SLC39A11: variants seen among roughly 807,000 people sequenced by gnomAD.
The protein encoded by SLC39A11 is solute carrier family 39 member 11, also known as zinc transporter ZIP11.
SLC39A11 carries 33 observed loss-of-function variants against 36.1 expected under a neutral mutation model. That is an observed-to-expected ratio of 0.91 (90% confidence interval 0.69 to 1.22). SLC39A11 has a LOEUF of 1.22. Among genes scored for constraint, SLC39A11 ranks in the 50% most tolerant of loss-of-function variants. The probability of loss-of-function intolerance (pLI) is 0.00; values close to 1 mark genes in which losing one functional copy is unlikely to be tolerated. For synonymous variants in SLC39A11, 166 were observed against 170.3 expected (o/e 0.97, Z 0.20); for missense variants, 432 against 430.3 (o/e 1.00, Z -0.03).
chr17:72,960,483 T>C (rs1223821812), intron 4 of SLC39A11, among the ~76,000 whole-genome samples: 2 of 152,010 alleles, frequency 1.3e-5, no homozygotes, highest in African/African-American at 4.8e-5. Flanking sequence ...ACCAAGAAGG[T>C]AATTTTTCTA....
intron 4 of SLC39A11, among the ~76,000 whole-genome samples, chr17:73,004,532 A>G (rs1367424261): frequency 6.6e-6 from 1 of 152,216 alleles, no homozygotes; most frequent in Non-Finnish European, 1.5e-5. Context: ...CATCATACTG[A>G]GAGTTGGGGC....
intron 4 of SLC39A11, among the ~76,000 whole-genome samples, chr17:73,025,754 A>G (rs140438823): frequency 1.8e-3 from 273 of 152,198 alleles, no homozygotes; most frequent in East Asian, 0.017. Flanking sequence ...CTCAAACAAT[A>G]CAAGCAAATT....
At chr17:72,863,154 C>T (rs529415763) in intron 5 of SLC39A11, among the ~76,000 whole-genome samples, 1 of 152,298 alleles carries the variant, frequency 6.6e-6, no homozygotes, top group African/African-American at 2.4e-5. Flanking sequence ...CTAAGCTGGG[C>T]TCCCAAGAGC....
intron 3 of SLC39A11, among the ~76,000 whole-genome samples, chr17:73,061,946 G>A (rs2059852485): frequency 1.3e-5 from 2 of 151,952 alleles, no homozygotes; most frequent in Non-Finnish European, 2.9e-5. Flanking sequence ...CAGTGACCTC[G>A]TGTGATCACG....
At chr17:72,672,414 C>T (rs59485604) in intron 7 of SLC39A11, among the ~76,000 whole-genome samples, 6,182 of 152,096 alleles carry the variant, frequency 0.041, 406 homozygotes, top group African/African-American at 0.14. Flanking sequence ...ATGCCACTGC[C>T]CTCCAGCCTG....
chr17:72,877,039 T>C (rs931127383), intron 5 of SLC39A11, among the ~76,000 whole-genome samples: 5 of 152,218 alleles, frequency 3.3e-5, no homozygotes, highest in African/African-American at 9.6e-5. Context: ...AAAAAATGCA[T>C]AATGTAGGTT....
intron 5 of SLC39A11, among the ~76,000 whole-genome samples, chr17:72,852,705 A>G (rs1012951396): frequency 1.3e-5 from 2 of 152,198 alleles, no homozygotes; most frequent in African/African-American, 4.8e-5. Flanking sequence ...CATTGGGGGA[A>G]GGGGTTTTAT....
At position 72,747,871 on chromosome 17, in the gene SLC39A11, T is replaced by A. The variant is rs370761945; in HGVS notation, c.602-11152A>T. Among the ~76,000 whole-genome samples, 5 of 152,342 alleles carry A rather than the reference T, an allele frequency of 3.3e-5. No individual in the cohort carries two copies. The East Asian group carries it at 5.8e-4, about 18-fold the overall frequency. Reference sequence around the variant, plus strand: ...CCTGTGGAGTCTGTTAGAGGCTGTATAAAGGATGGAAACTTACCAACTTAT... The same window carrying A: ...CCTGTGGAGTCTGTTAGAGGCTGTAAAAAGGATGGAAACTTACCAACTTAT... On this transcript the variant is annotated intron_variant, in intron 6 of 9. Coordinates refer to ENST00000255559, the MANE Select transcript of SLC39A11 (RefSeq NM_139177.4).
chr17:73,012,056 C>CGGTGGGCG (rs1381330659), intron 4 of SLC39A11, among the ~76,000 whole-genome samples: 1 of 147,698 alleles, frequency 6.8e-6, no homozygotes, highest in Non-Finnish European at 1.5e-5. Flanking sequence ...GTGTAGATCA[C>CGGTGGGCG]CCGAGGTCAG....
At chr17:73,049,891 G>A (rs905682289) in intron 3 of SLC39A11, among the ~76,000 whole-genome samples, 1 of 152,218 alleles carries the variant, frequency 6.6e-6, no homozygotes, top group Admixed American at 6.5e-5. Context: ...AGCAGGCTGA[G>A]GCAGGCAGAT....
At chr17:73,008,287 G>A (rs1169168438) in intron 4 of SLC39A11, among the ~76,000 whole-genome samples, 1 of 151,286 alleles carries the variant, frequency 6.6e-6, no homozygotes, top group Non-Finnish European at 1.5e-5. Context: ...ACCTGTCACT[G>A]CACCCAGCAG....
intron 4 of SLC39A11, among the ~76,000 whole-genome samples, chr17:72,959,365 A>ATATG (rs1171648535): frequency 7.1e-6 from 1 of 140,590 alleles, no homozygotes; most frequent in Admixed American, 7.3e-5. Context: ...ATATATATAT[A>ATATG]TGATCGAATA....
rs557572944 is a variant in SLC39A11, at chr17:72,912,687, A to G, written c.430+35065T>C. Among the ~76,000 whole-genome samples, 3 of 152,250 alleles carry G rather than the reference A, an allele frequency of 2.0e-5. No individual in the cohort carries two copies. The South Asian group carries it at 6.2e-4, about 32-fold the overall frequency. ...GAGGGTACGGGGGTGAGGAGGAAAC[A>G]CCGGACCAGAAGCATCGACCAGAGC... On this transcript the variant is annotated intron_variant, in intron 5 of 9. Transcript: ENST00000255559.
intron 7 of SLC39A11, among the ~76,000 whole-genome samples, chr17:72,704,419 G>A (rs768548221): frequency 6.6e-6 from 1 of 152,178 alleles, no homozygotes; most frequent in Non-Finnish European, 1.5e-5. Flanking sequence ...CAGCTCCCCA[G>A]TTTTCCCATC....
intron 5 of SLC39A11, among the ~76,000 whole-genome samples, chr17:72,908,270 G>A (rs1030286084): frequency 4.6e-5 from 7 of 152,180 alleles, no homozygotes; most frequent in African/African-American, 1.2e-4. Flanking sequence ...GAGGCTGGGG[G>A]CCTCCACTTT....
At chr17:72,762,923 C>T (rs774887125) in intron 6 of SLC39A11, among the ~76,000 whole-genome samples, 3 of 152,166 alleles carry the variant, frequency 2.0e-5, no homozygotes, top group East Asian at 1.9e-4. Flanking sequence ...TTGAGACCCA[C>T]GTAGACCATT....
intron 5 of SLC39A11, among the ~76,000 whole-genome samples, chr17:72,941,124 T>C (rs1181699855): frequency 2.0e-5 from 3 of 151,648 alleles, no homozygotes; most frequent in Non-Finnish European, 4.4e-5. Context: ...AATACAAAAA[T>C]TAGCCAGGTG....
intron 5 of SLC39A11, among the ~76,000 whole-genome samples, chr17:72,909,162 T>C (rs2082830509): frequency 6.6e-6 from 1 of 152,168 alleles, no homozygotes; most frequent in South Asian, 2.1e-4. Flanking sequence ...TGGAGTAAAG[T>C]GGGGCAGTTA....
chr17:73,081,670 C>CATATATGTGTATATGTATGTATAT (rs1568242944), intron 3 of SLC39A11, among the ~76,000 whole-genome samples: 1 of 82,206 alleles, frequency 1.2e-5, no homozygotes, highest in Non-Finnish European at 2.3e-5. Flanking sequence ...CACACACACA[C>CATATATGTGTATATGTATGTATAT]ATATATATAC....
Sources: allele counts gnomAD v4.1 joint callset (sites outside exome capture counted in the v4.1 genomes callset), GRCh38; gene constraint gnomAD v4.1.1; transcripts MANE v1.5; gene names NCBI Gene and HGNC (gene_info 2026-07-23, HGNC 2026-07-21).